Variants in CPED1 observed in about 807,000 individuals in gnomAD.
CPED1 encodes cadherin like and PC-esterase domain containing 1, also known as cadherin-like and PC-esterase domain-containing protein 1.
Under a neutral mutation model 128.2 loss-of-function variants are expected in CPED1, and 114 were observed. The ratio of observed to expected loss-of-function variants is 0.89; its 90% confidence interval spans 0.76 to 1.04. The LOEUF (loss-of-function observed/expected upper bound fraction) is 1.04. CPED1 is among the 50% of genes least tolerant of loss of function. CPED1 has a pLI of 0.00. For missense variants in CPED1, 1,211 were observed against 1,207.1 expected (o/e 1.00, Z -0.05); for synonymous variants, 462 against 426.7 (o/e 1.08, Z -1.02).
chr7:121,046,062 A>AAT (rs1399053188), intron 3 of CPED1, among the ~76,000 whole-genome samples: 2 of 152,052 alleles, frequency 1.3e-5, no homozygotes, highest in East Asian at 1.9e-4. Flanking sequence ...GATATATAGC[A>AAT]ATATATATAA....
At chr7:121,172,521 G>A (rs980001384) in intron 16 of CPED1, among the ~76,000 whole-genome samples, 3 of 151,778 alleles carry the variant, frequency 2.0e-5, no homozygotes, top group Non-Finnish European at 2.9e-5. Context: ...AATAAAATAT[G>A]TTTAAAAACT....
At chr7:121,010,221 A>C (rs1447638891) in intron 2 of CPED1, among the ~76,000 whole-genome samples, 1 of 152,102 alleles carries the variant, frequency 6.6e-6, no homozygotes, top group Non-Finnish European at 1.5e-5. Flanking sequence ...GTGCTATTTC[A>C]TCAAAGCTCT....
chr7:121,032,523 G>A (rs1038327665), intron 3 of CPED1, among the ~76,000 whole-genome samples: 4 of 147,220 alleles, frequency 2.7e-5, no homozygotes, highest in South Asian at 2.2e-4. Context: ...ATCATACCGC[G>A]GGGGGGGCCT....
chr7:121,002,944 C>T (rs1280735680), intron 2 of CPED1, among the ~76,000 whole-genome samples: 1 of 152,152 alleles, frequency 6.6e-6, no homozygotes, highest in Non-Finnish European at 1.5e-5. Context: ...TAACCATACC[C>T]TGTGACATCT....
chr7:121,253,394 A>G (rs1247500118), intron 18 of CPED1, among the ~76,000 whole-genome samples: 2 of 151,896 alleles, frequency 1.3e-5, no homozygotes, highest in Non-Finnish European at 2.9e-5. Flanking sequence ...GCACACCAAC[A>G]TGGCACATGT....
chr7:121,223,153 T>G (rs1797924777), intron 16 of CPED1, among the ~76,000 whole-genome samples: 1 of 152,156 alleles, frequency 6.6e-6, no homozygotes. Context: ...TTATTTTGAG[T>G]TTTTAGCATG....
chr7:121,202,705 A>C (rs574272631), intron 16 of CPED1, among the ~76,000 whole-genome samples: 2 of 152,222 alleles, frequency 1.3e-5, no homozygotes, highest in South Asian at 4.2e-4. Flanking sequence ...TGTACCTGCC[A>C]TCCCTAACAC....
intron 16 of CPED1, among the ~76,000 whole-genome samples, chr7:121,185,280 A>C (rs1360444006): frequency 6.6e-6 from 1 of 152,188 alleles, no homozygotes; most frequent in African/African-American, 2.4e-5. Context: ...CTCTATACAG[A>C]GATGGCAAAA....
chr7:121,119,237 A>T (rs889648075), intron 7 of CPED1, among the ~76,000 whole-genome samples: 26 of 143,906 alleles, frequency 1.8e-4, no homozygotes, highest in Admixed American at 4.1e-4. Context: ...TAAAAAAGAT[A>T]TTTTTTTTTT....
chr7:121,248,594 C>CAA (rs36015608), intron 18 of CPED1, among the ~76,000 whole-genome samples: 33,151 of 116,910 alleles, frequency 0.28, 4,924 homozygotes, highest in African/African-American at 0.35. Context: ...CCCTGTGAAA[C>CAA]AAAAAAAAAA....
At chr7:121,042,755 A>T (rs1470877409) in intron 3 of CPED1, among the ~76,000 whole-genome samples, 1 of 152,218 alleles carries the variant, frequency 6.6e-6, no homozygotes, top group African/African-American at 2.4e-5. Flanking sequence ...AAATATGTGG[A>T]ACAATATTTG....
chr7:121,034,247 C>CTTT (rs3067998), intron 3 of CPED1, among the ~76,000 whole-genome samples: 1,554 of 113,962 alleles, frequency 0.014, 106 homozygotes, highest in East Asian at 0.12. Flanking sequence ...GTTTTTTTTT[C>CTTT]TTTTTTTTTT....
intron 22 of CPED1, among the ~76,000 whole-genome samples, chr7:121,274,652 A>T (rs1822944964): frequency 6.6e-6 from 1 of 152,134 alleles, no homozygotes; most frequent in Non-Finnish European, 1.5e-5. Flanking sequence ...TTCATTCATT[A>T]CTTAGGCATA....
intron 18 of CPED1, chr7:121,261,842 CACCTAATACAGGG>C: frequency 1.1e-6 from 1 of 902,020 alleles, no homozygotes; most frequent in Non-Finnish European, 1.7e-6. Flanking sequence ...TAGCTTATCT[CACCTAATACAGGG>C]ACTATGCAAC....
intron 3 of CPED1, among the ~76,000 whole-genome samples, chr7:121,044,378 G>A (rs1038793709): frequency 1.3e-5 from 2 of 152,082 alleles, no homozygotes; most frequent in African/African-American, 2.4e-5. Flanking sequence ...TTTTTAGACC[G>A]TGCTAGCAAG....
intron 3 of CPED1, among the ~76,000 whole-genome samples, chr7:121,028,624 A>G (rs1028445795): frequency 3.3e-5 from 5 of 152,214 alleles, no homozygotes; most frequent in African/African-American, 7.2e-5. Context: ...AAAAATATGA[A>G]CACGTTTTAT....
At chr7:121,130,703 C>A (rs1584535012) in intron 12 of CPED1, among the ~76,000 whole-genome samples, 2 of 151,066 alleles carry the variant, frequency 1.3e-5, no homozygotes, top group Admixed American at 1.3e-4. Context: ...TGAGGTGTGA[C>A]TTTTTTCTGA....
intron 3 of CPED1, among the ~76,000 whole-genome samples, chr7:121,025,121 C>T (rs1204648086): frequency 6.6e-6 from 1 of 151,910 alleles, no homozygotes; most frequent in Non-Finnish European, 1.5e-5. Context: ...TTGATGTTTC[C>T]CAAAATAATT....
At chr7:121,050,233 C>T (rs976813377) in intron 4 of CPED1, among the ~76,000 whole-genome samples, 2 of 152,148 alleles carry the variant, frequency 1.3e-5, no homozygotes, top group Admixed American at 1.3e-4. Flanking sequence ...GTTATCTATT[C>T]TCTGTACTTA....
Sources: allele counts gnomAD v4.1 joint callset (sites outside exome capture counted in the v4.1 genomes callset), GRCh38; gene constraint gnomAD v4.1.1; transcripts MANE v1.5; gene names NCBI Gene and HGNC (gene_info 2026-07-23, HGNC 2026-07-21).